The following CNTNAP4 variants were observed in gnomAD, a reference collection of about 807,000 sequenced individuals.
CNTNAP4 encodes contactin-associated protein-like 4.
In CNTNAP4, 98 loss-of-function variants were observed where a neutral mutation model predicts 148.4. The observed-to-expected ratio is 0.66, with a 90% confidence interval of 0.56 to 0.78. The LOEUF (loss-of-function observed/expected upper bound fraction) is 0.78, where lower values mean the gene tolerates loss of function less well. Among genes scored for constraint, CNTNAP4 ranks in the 30% least tolerant of loss-of-function variants. CNTNAP4 has a pLI of 0.00. For synonymous variants in CNTNAP4, 730 were observed against 565.1 expected (o/e 1.29, Z -4.14); for missense variants, 1,935 against 1,565.6 (o/e 1.24, Z -3.98).
chr16:76,362,651 G>C (rs1234086731), intron 3 of CNTNAP4, among the ~76,000 whole-genome samples: 1 of 152,102 alleles, frequency 6.6e-6, no homozygotes, highest in African/African-American at 2.4e-5. Flanking sequence ...AACAAACAAA[G>C]GAACAGAAAA....
At chr16:76,329,131 A>G (rs889910683) in intron 2 of CNTNAP4, among the ~76,000 whole-genome samples, 2 of 152,260 alleles carry the variant, frequency 1.3e-5, no homozygotes, top group African/African-American at 2.4e-5. Context: ...GTGTGCCTGT[A>G]TAATAAAACA....
intron 21 of CNTNAP4, among the ~76,000 whole-genome samples, chr16:76,542,112 C>T (rs2144306172): frequency 6.6e-6 from 1 of 152,260 alleles, no homozygotes; most frequent in African/African-American, 2.4e-5. Context: ...AGTCTGTGCA[C>T]ATGGGTATTA....
chr16:76,440,873 A>G (rs1208808810), intron 4 of CNTNAP4, among the ~76,000 whole-genome samples: 1 of 152,114 alleles, frequency 6.6e-6, no homozygotes, highest in African/African-American at 2.4e-5. Flanking sequence ...TTCAAGTGAC[A>G]ACCCCTCAAA....
At position 76,405,767 on chromosome 16, in the gene CNTNAP4, G is replaced by A. The variant is rs576305189; in HGVS notation, c.391-21685G>A. On this transcript the variant is annotated intron_variant, in intron 3 of 23. Transcript: ENST00000611870. ...TCAGAGTTCAAAACCATGAGGTTCA[G>A]GGGTCAACTGTATTTTGGAAACATA... Among the ~76,000 whole-genome samples, 79 of 152,184 alleles carry A rather than the reference G, an allele frequency of 5.2e-4. 1 individual carries two copies. The highest frequency in any genetic ancestry group is 1.8e-3 in the African/African-American group (75 of 41,522).
Position 76,540,770 on chromosome 16 carries a change from T to G in CNTNAP4, c.3422T>G (p.Leu1141Arg). Residue 1141 changes from leucine to arginine, a missense_variant, in exon 21 of 24, where the codon CTG becomes CGG. Transcript: ENST00000611870. Reference protein sequence around the residue: ...SGTEFSAVKSLVLGRILEHSD... With the variant: ...SGTEFSAVKSRVLGRILEHSD... ...ACAGAATTCAGTGCAGTCAAATCTC[T>G]GGTATTGGGCAGGATTTTAGGTAAG... 6.4e-7 allele frequency: 1 copy of G among 1,572,072 alleles called. No homozygotes were observed. Among genetic ancestry groups the G allele is most frequent in the Non-Finnish European group, 8.6e-7 (1 of 1,156,482 alleles).
In CNTNAP4 at chr16:76,423,793, A is replaced by G. The variant is rs541917116; in HGVS notation, c.391-3659A>G. Among the ~76,000 whole-genome samples, 3 of 152,338 alleles carry G rather than the reference A, an allele frequency of 2.0e-5. No individual in the cohort carries two copies. The East Asian group carries it at 5.8e-4, about 29-fold the overall frequency. ...CAAATTTATTGATCAGTTAATAAAT[A>G]TAATAAATAGTAACTGCATATTTTT... On this transcript the variant is annotated intron_variant, in intron 3 of 23. Transcript: ENST00000611870.
intron 1 of CNTNAP4, among the ~76,000 whole-genome samples, chr16:76,281,887 C>A (rs1053512384): frequency 1.3e-5 from 2 of 151,632 alleles, no homozygotes; most frequent in African/African-American, 4.8e-5. Context: ...ATTAGTAAAC[C>A]TGCATGACAA....
At chr16:76,293,491 CCTGT>C (rs908233611) in intron 1 of CNTNAP4, among the ~76,000 whole-genome samples, 8 of 152,002 alleles carry the variant, frequency 5.3e-5, no homozygotes, top group African/African-American at 9.7e-5. Context: ...TTCCTATCTA[CCTGT>C]CTATTTACTT....
At chr16:76,417,300 T>C (rs1359811921) in intron 3 of CNTNAP4, among the ~76,000 whole-genome samples, 2 of 151,482 alleles carry the variant, frequency 1.3e-5, no homozygotes, top group East Asian at 3.9e-4. Flanking sequence ...TTTAAGTTCC[T>C]TATCTGATTT....
intron 21 of CNTNAP4, among the ~76,000 whole-genome samples, chr16:76,544,778 A>G (rs985037616): frequency 5.3e-5 from 8 of 152,194 alleles, no homozygotes; most frequent in African/African-American, 1.9e-4. Context: ...TAGCTTTTCT[A>G]TATTAGATAC....
At chr16:76,413,290 A>G (rs765090786) in intron 3 of CNTNAP4, among the ~76,000 whole-genome samples, 1 of 150,632 alleles carries the variant, frequency 6.6e-6, no homozygotes, top group Non-Finnish European at 1.5e-5. Flanking sequence ...CCATCTGTCT[A>G]CTCTCTATGT....
chr16:76,427,617 C>T lies in CNTNAP4; in HGVS notation c.538+18C>T. 6.3e-7 allele frequency: 1 copy of T among 1,589,664 alleles called. No individual in the cohort carries two copies. On this transcript the variant is annotated intron_variant, in intron 4 of 23. Coordinates refer to ENST00000611870, the MANE Select transcript of CNTNAP4 (RefSeq NM_033401.5). ...TGCATACAGTAAGTGTTTGTTTATCCAATACACTGACATAGATATCAAAAG... is the reference window on the plus strand; with the variant it reads ...TGCATACAGTAAGTGTTTGTTTATCTAATACACTGACATAGATATCAAAAG...
At chr16:76,363,071 AT>A (rs2013638643) in intron 3 of CNTNAP4, among the ~76,000 whole-genome samples, 1 of 150,628 alleles carries the variant, frequency 6.6e-6, no homozygotes, top group Admixed American at 6.7e-5. Context: ...AAAAAAAAAA[AT>A]AGACAATGGG....
At chr16:76,510,245 A>G (rs2143988584) in intron 15 of CNTNAP4, among the ~76,000 whole-genome samples, 1 of 152,224 alleles carries the variant, frequency 6.6e-6, no homozygotes, top group African/African-American at 2.4e-5. Context: ...AAAATACAAG[A>G]TATGTGATCT....
At chr16:76,472,557 C>G (rs1318869618) in intron 10 of CNTNAP4, among the ~76,000 whole-genome samples, 1 of 149,816 alleles carries the variant, frequency 6.7e-6, no homozygotes, top group East Asian at 1.9e-4. Flanking sequence ...GCCTCCAGCT[C>G]CATCTATGTT....
At chr16:76,439,102 C>T (rs564039043) in intron 4 of CNTNAP4, among the ~76,000 whole-genome samples, 19 of 152,192 alleles carry the variant, frequency 1.2e-4, no homozygotes, top group African/African-American at 2.4e-4. Context: ...TCTCTTCCTT[C>T]GGGATGGAGC....
chr16:76,471,935 C>T (rs2081391825), intron 10 of CNTNAP4, among the ~76,000 whole-genome samples: 1 of 152,180 alleles, frequency 6.6e-6, no homozygotes, highest in African/African-American at 2.4e-5. Flanking sequence ...GAGTTTACTT[C>T]AATATTAATT....
At chr16:76,385,721 C>T (rs961657430) in intron 3 of CNTNAP4, among the ~76,000 whole-genome samples, 29 of 152,126 alleles carry the variant, frequency 1.9e-4, no homozygotes, top group African/African-American at 6.5e-4. Flanking sequence ...CCCATCAATA[C>T]GTAACCTTGT....
intron 2 of CNTNAP4, among the ~76,000 whole-genome samples, chr16:76,321,681 C>G (rs1003714118): frequency 1.3e-5 from 2 of 150,078 alleles, no homozygotes; most frequent in African/African-American, 2.5e-5. Flanking sequence ...CCCAGCTACT[C>G]AGGAGGCTGG....
Sources: gnomAD v4.1 joint callset for allele counts (sites outside exome capture counted in the v4.1 genomes callset) on GRCh38, gnomAD v4.1.1 for gene constraint, MANE v1.5 for transcripts, NCBI Gene and HGNC (gene_info 2026-07-23, HGNC 2026-07-21) for gene names.